Variants in WBP1L observed in about 807,000 individuals in gnomAD.
The protein encoded by WBP1L is WW domain binding protein 1-like.
A neutral mutation model predicts 33.7 loss-of-function variants in WBP1L; 17 were observed. The observed-to-expected ratio is 0.50, with a 90% CI of 0.34 to 0.76. WBP1L has a LOEUF of 0.76. Ranked by LOEUF, WBP1L falls within the 30% of genes least tolerant of loss-of-function variation. The pLI, the probability that WBP1L is intolerant of heterozygous loss-of-function variation, is 0.01. For missense variants in WBP1L, 389 were observed against 469.4 expected (o/e 0.83, Z 1.58); for synonymous variants, 173 against 190.8 (o/e 0.91, Z 0.77).
intron 1 of WBP1L, among the ~76,000 whole-genome samples, chr10:102,796,829 A>G (rs1378942337): frequency 6.6e-6 from 1 of 152,220 alleles, no homozygotes; most frequent in East Asian, 1.9e-4. Flanking sequence ...AGGTTTCGTC[A>G]TCTGCATAGT....
At chr10:102,748,279 C>CA (rs1165991849) in intron 1 of WBP1L, among the ~76,000 whole-genome samples, 53 of 150,640 alleles carry the variant, frequency 3.5e-4, no homozygotes, top group Non-Finnish European at 5.8e-4. Context: ...ACCAAACAAA[C>CA]AAAAAAAAAC....
intron 1 of WBP1L, among the ~76,000 whole-genome samples, chr10:102,762,838 T>A (rs1843058062): frequency 6.6e-6 from 1 of 152,228 alleles, no homozygotes. Context: ...TGACTATGCC[T>A]ACCCTTCCGG....
intron 1 of WBP1L, among the ~76,000 whole-genome samples, chr10:102,784,758 G>A (rs995227836): frequency 1.3e-5 from 2 of 151,404 alleles, no homozygotes; most frequent in Non-Finnish European, 2.9e-5. Context: ...ATGAGGTCAC[G>A]CTTTTTTGCC....
At chr10:102,800,359 G>A (rs1843638810) in intron 2 of WBP1L, among the ~76,000 whole-genome samples, 1 of 151,820 alleles carries the variant, frequency 6.6e-6, no homozygotes, top group Non-Finnish European at 1.5e-5. Context: ...TGGCAGAGCC[G>A]ACTCAGGAGC....
In WBP1L at chr10:102,809,999, C is replaced by A. The variant is rs1227115137; in HGVS notation, c.300C>A (p.Ile100=). 2 of 1,614,016 alleles carry A rather than the reference C, an allele frequency of 1.2e-6. No individual in the cohort carries two copies. The highest frequency in any genetic ancestry group is 1.7e-5 in the Admixed American group (1 of 60,016). The change falls in exon 3 of 4, where the codon ATC becomes ATA. Residue 100 remains isoleucine (I), a synonymous_variant. Transcript: ENST00000448841. ...RLQAQQRQHE[I]NLIAYREAHN... ...AGGCCCAGCAGCGGCAACATGAAAT[C>A]AACCTGATCGCTTACCGAGAAGCCC...
At chr10:102,789,467 C>T (rs1018697) in intron 1 of WBP1L, among the ~76,000 whole-genome samples, 1 of 151,834 alleles carries the variant, frequency 6.6e-6, no homozygotes, top group African/African-American at 2.4e-5. Flanking sequence ...CTGTTCTCAC[C>T]GGTCTGGTTA....
At chr10:102,785,457 G>A (rs1315936520) in intron 1 of WBP1L, among the ~76,000 whole-genome samples, 1 of 152,042 alleles carries the variant, frequency 6.6e-6, no homozygotes, top group Admixed American at 6.5e-5. Context: ...AAAGTGCTGG[G>A]ATTACAGGCG....
At chr10:102,777,469 C>T (rs528182385) in intron 1 of WBP1L, among the ~76,000 whole-genome samples, 1 of 150,996 alleles carries the variant, frequency 6.6e-6, no homozygotes, top group Non-Finnish European at 1.5e-5. Flanking sequence ...CATTACAGCT[C>T]TTGTTATCTT....
chr10:102,750,436 A>C (rs954763326), intron 1 of WBP1L, among the ~76,000 whole-genome samples: 3 of 152,120 alleles, frequency 2.0e-5, no homozygotes, highest in African/African-American at 7.2e-5. Context: ...TTTACATGCC[A>C]AAAAAATTCA....
chr10:102,785,924 A>G (rs1256780882), intron 1 of WBP1L, among the ~76,000 whole-genome samples: 1 of 152,222 alleles, frequency 6.6e-6, no homozygotes, highest in Admixed American at 6.5e-5. Context: ...GCCAGACTCC[A>G]CAGGCCTGCA....
chr10:102,782,591 T>A (rs554395490), intron 1 of WBP1L, among the ~76,000 whole-genome samples: 2 of 152,264 alleles, frequency 1.3e-5, no homozygotes, highest in Admixed American at 6.5e-5. Flanking sequence ...TCTTGCTAAT[T>A]TGTAGCAACA....
intron 1 of WBP1L, among the ~76,000 whole-genome samples, chr10:102,795,753 A>G (rs1332405602): frequency 6.6e-6 from 1 of 152,250 alleles, no homozygotes; most frequent in African/African-American, 2.4e-5. Context: ...CTTTTAAGCC[A>G]GTGCCGGAAG....
At chr10:102,801,618 C>T (rs998662650) in intron 2 of WBP1L, among the ~76,000 whole-genome samples, 1 of 152,084 alleles carries the variant, frequency 6.6e-6, no homozygotes, top group African/African-American at 2.4e-5. Flanking sequence ...CTCCACTCAG[C>T]AAGCTACATT....
Position 102,778,359 on chromosome 10 carries a change from C to G in WBP1L, c.91-19634C>G, listed in dbSNP as rs1057442775. 2.6e-5 allele frequency among the ~76,000 whole-genome samples: 4 copies of G among 152,192 alleles called. No homozygotes were observed. In the East Asian group the frequency reaches 5.8e-4, roughly 22 times the overall value. On this transcript the variant is annotated intron_variant, in intron 1 of 3. Coordinates refer to ENST00000448841, the MANE Select transcript of WBP1L (RefSeq NM_001083913.2). ...GTGACGTACAGCTGGGAGGCCACCTCTTACTCTACCGAGACACTGTTAATC... is the reference window on the plus strand; with the variant it reads ...GTGACGTACAGCTGGGAGGCCACCTGTTACTCTACCGAGACACTGTTAATC...
chr10:102,768,404 A>T (rs1843141590), intron 1 of WBP1L, among the ~76,000 whole-genome samples: 1 of 17,044 alleles, frequency 5.9e-5, no homozygotes. Context: ...TTTGAGACGG[A>T]GTCTCGCTCT....
At chr10:102,760,376 CTTTT>C (rs71019612) in intron 1 of WBP1L, among the ~76,000 whole-genome samples, 32 of 96,212 alleles carry the variant, frequency 3.3e-4, no homozygotes, top group Non-Finnish European at 4.4e-4. Flanking sequence ...TTCTTTCTTT[CTTTT>C]TTTTTTTTTT....
chr10:102,813,763 C>T lies in WBP1L; in HGVS notation c.*432C>T, dbSNP rs79771646. Reference sequence around the variant, plus strand: ...TTGCTGTATCTCAGTCCAGGAGAGGCAGCCCATCTTGGCCCTGGATGAAGA... The same window carrying T: ...TTGCTGTATCTCAGTCCAGGAGAGGTAGCCCATCTTGGCCCTGGATGAAGA... On this transcript the variant is annotated 3_prime_UTR_variant, in exon 4 of 4. Coordinates refer to ENST00000448841, the MANE Select transcript of WBP1L (RefSeq NM_001083913.2). 2,153 of 164,762 alleles carry T rather than the reference C, an allele frequency of 0.013. 29 individuals are homozygous for T. The highest frequency in any genetic ancestry group is 0.021 in the Non-Finnish European group (1,589 of 75,724). 10.2% of individuals were successfully genotyped at this position (164,762 alleles called of 1,614,324 possible).
intron 1 of WBP1L, among the ~76,000 whole-genome samples, chr10:102,771,454 G>A (rs1380846489): frequency 6.6e-6 from 1 of 152,056 alleles, no homozygotes; most frequent in Admixed American, 6.6e-5. Context: ...AAGGAGGCGA[G>A]GTGAAGCGTT....
intron 1 of WBP1L, among the ~76,000 whole-genome samples, chr10:102,797,697 C>T (rs764527046): frequency 1.2e-4 from 18 of 152,114 alleles, no homozygotes; most frequent in South Asian, 2.1e-4. Context: ...GGATTACAGG[C>T]GCGCACCACC....
Sources: allele counts gnomAD v4.1 joint callset (sites outside exome capture counted in the v4.1 genomes callset), GRCh38; gene constraint gnomAD v4.1.1; transcripts MANE v1.5; gene names NCBI Gene and HGNC (gene_info 2026-07-23, HGNC 2026-07-21).